The following STK3 variants were observed in gnomAD, a reference collection of about 807,000 sequenced individuals.
The protein encoded by STK3 is serine/threonine-protein kinase 3.
Under a neutral mutation model 58.0 loss-of-function variants are expected in STK3, and 41 were observed. The ratio of observed to expected loss-of-function variants is 0.71; its 90% CI spans 0.55 to 0.92. STK3 has a LOEUF of 0.92. Ranked by LOEUF, STK3 falls within the 40% of genes least tolerant of loss-of-function variation. The pLI, the probability that STK3 is intolerant of heterozygous loss-of-function variation, is 0.00. For missense variants in STK3, 479 were observed against 602.7 expected, an observed-to-expected ratio of 0.79 and a Z score of 2.15; for synonymous variants, 170 against 191.0, an observed-to-expected ratio of 0.89 and a Z score of 0.91.
chr8:98,441,760 G>T (rs1324361610), intron 1 of STK3, among the ~76,000 whole-genome samples: 3 of 152,120 alleles, frequency 2.0e-5, no homozygotes, highest in Admixed American at 1.3e-4. Flanking sequence ...CTGGCTTGTT[G>T]TCAAATTTGC....
intron 1 of STK3, among the ~76,000 whole-genome samples, chr8:98,925,796 C>G (rs915895844): frequency 6.6e-6 from 1 of 152,118 alleles, no homozygotes; most frequent in African/African-American, 2.4e-5. Context: ...TTCAAGGAAC[C>G]CGCTGCAGCT....
At chr8:98,492,685 A>G (rs1001428616) in intron 10 of STK3, among the ~76,000 whole-genome samples, 6 of 152,136 alleles carry the variant, frequency 3.9e-5, no homozygotes, top group African/African-American at 1.4e-4. Context: ...AAATTGCTAG[A>G]TATTTGGCAA....
intron 3 of STK3, among the ~76,000 whole-genome samples, chr8:98,842,947 G>A (rs997552499): frequency 1.3e-5 from 2 of 152,072 alleles, no homozygotes; most frequent in African/African-American, 4.8e-5. Context: ...CGCCTGGGAC[G>A]TGGAGGCTGC....
chr8:98,497,842 A>C (rs760860268), intron 10 of STK3, among the ~76,000 whole-genome samples: 3 of 152,194 alleles, frequency 2.0e-5, no homozygotes, highest in Non-Finnish European at 4.4e-5. Flanking sequence ...TACACTGCTG[A>C]CAGGAATGTA....
chr8:98,507,986 T>C (rs749004422), intron 10 of STK3, among the ~76,000 whole-genome samples: 50 of 152,216 alleles, frequency 3.3e-4, no homozygotes, highest in East Asian at 1.2e-3. Context: ...AAAGTACTTA[T>C]CGTCTTTTAG....
intron 6 of STK3, among the ~76,000 whole-genome samples, chr8:98,695,844 C>T (rs560357435): frequency 2.0e-5 from 3 of 152,090 alleles, no homozygotes; most frequent in South Asian, 4.1e-4. Flanking sequence ...CTCGGCAATG[C>T]GGGCTCTTTT....
At chr8:98,920,449 T>C (rs1038378413) in intron 1 of STK3, among the ~76,000 whole-genome samples, 2 of 152,236 alleles carry the variant, frequency 1.3e-5, no homozygotes, top group Non-Finnish European at 2.9e-5. Context: ...AGCCTGCACC[T>C]GGCCCGTCCG....
intron 1 of STK3, among the ~76,000 whole-genome samples, chr8:98,933,413 T>C (rs934845942): frequency 5.9e-5 from 9 of 152,216 alleles, no homozygotes; most frequent in Admixed American, 2.6e-4. Flanking sequence ...CTGCACAAAT[T>C]GTGCACATTT....
chr8:98,649,151 C>A (rs754277970), intron 6 of STK3, among the ~76,000 whole-genome samples: 1 of 151,450 alleles, frequency 6.6e-6, no homozygotes, highest in Non-Finnish European at 1.5e-5. Context: ...TTGGGATTTG[C>A]ATTTCTGTCA....
chr8:98,694,005 A>C (rs1824630901), intron 6 of STK3, among the ~76,000 whole-genome samples: 1 of 152,160 alleles, frequency 6.6e-6, no homozygotes, highest in Admixed American at 6.5e-5. Flanking sequence ...TTCTTTGTGA[A>C]AAAAGTAGTG....
intron 4 of STK3, among the ~76,000 whole-genome samples, chr8:98,738,085 C>G (rs924427378): frequency 2.0e-5 from 3 of 152,208 alleles, no homozygotes; most frequent in African/African-American, 7.2e-5. Context: ...ATTCTATGAT[C>G]ATGCATTGGA....
chr8:98,449,010 G>A (rs1273341302), intron 1 of STK3, among the ~76,000 whole-genome samples: 2 of 152,080 alleles, frequency 1.3e-5, no homozygotes, highest in African/African-American at 4.8e-5. Flanking sequence ...TGCTTGCCTG[G>A]TAAGCTTGAA....
downstream of STK3, among the ~76,000 whole-genome samples, chr8:98,367,474 G>C (rs1258950748): frequency 1.3e-5 from 2 of 152,222 alleles, no homozygotes; most frequent in South Asian, 4.1e-4. Context: ...GAAACCCTTA[G>C]AAATCATACT....
At chr8:98,732,424 A>G (rs1828277735) in intron 4 of STK3, among the ~76,000 whole-genome samples, 1 of 152,196 alleles carries the variant, frequency 6.6e-6, no homozygotes. Flanking sequence ...CATTAGCAAC[A>G]CTAGATGTTA....
intron 6 of STK3, among the ~76,000 whole-genome samples, chr8:98,677,169 C>T (rs1823278085): frequency 6.6e-6 from 1 of 152,184 alleles, no homozygotes; most frequent in Admixed American, 6.5e-5. Flanking sequence ...ACATTCCCTG[C>T]TACCTGACTG....
intron 10 of STK3, among the ~76,000 whole-genome samples, chr8:98,522,262 A>G (rs1825421477): frequency 6.6e-6 from 1 of 152,180 alleles, no homozygotes; most frequent in African/African-American, 2.4e-5. Flanking sequence ...TGCAATGGTC[A>G]TTATCAAAAT....
chr8:98,463,977 C>A (rs1820220608), intron 10 of STK3, among the ~76,000 whole-genome samples: 2 of 152,126 alleles, frequency 1.3e-5, no homozygotes, highest in Non-Finnish European at 2.9e-5. Context: ...GTCAAACAGT[C>A]AATCAAGAGA....
intron 3 of STK3, among the ~76,000 whole-genome samples, chr8:98,863,583 G>A (rs1455818697): frequency 6.6e-6 from 1 of 152,114 alleles, no homozygotes; most frequent in African/African-American, 2.4e-5. Flanking sequence ...ATATTTCTGT[G>A]TGGTTGATTA....
chr8:98,654,755 T>C (rs1187541076), intron 6 of STK3, among the ~76,000 whole-genome samples: 1 of 151,868 alleles, frequency 6.6e-6, no homozygotes, highest in Admixed American at 6.6e-5. Context: ...GAGAATAAAA[T>C]ACCTAGGAAT....
Sources: allele counts gnomAD v4.1 joint callset (sites outside exome capture counted in the v4.1 genomes callset), GRCh38; gene constraint gnomAD v4.1.1; transcripts MANE v1.5; gene names NCBI Gene and HGNC (gene_info 2026-07-23, HGNC 2026-07-21).